STXBP5L: variants seen among roughly 807,000 people sequenced by gnomAD.
STXBP5L encodes the protein syntaxin-binding protein 5-like.
STXBP5L carries 65 observed loss-of-function variants against 144.5 expected under a neutral mutation model. The ratio of observed to expected loss-of-function variants is 0.45; its 90% CI spans 0.37 to 0.55. The LOEUF is 0.55. STXBP5L is among the 20% of genes least tolerant of loss of function. The pLI is 0.00. For missense variants in STXBP5L, 1,298 were observed against 1,405.5 expected (o/e 0.92, Z 1.22); for synonymous variants, 505 against 469.6 (o/e 1.08, Z -0.97).
chr3:120,982,721 A>C (rs1251403155), intron 3 of STXBP5L, among the ~76,000 whole-genome samples: 1 of 152,178 alleles, frequency 6.6e-6, no homozygotes, highest in Non-Finnish European at 1.5e-5. Flanking sequence ...GGCATGTGCA[A>C]GTGCATGCCA....
chr3:121,110,903 G>A (rs935906139), intron 5 of STXBP5L, among the ~76,000 whole-genome samples: 1 of 152,004 alleles, frequency 6.6e-6, no homozygotes, highest in African/African-American at 2.4e-5. Flanking sequence ...TAACCCCATA[G>A]GTCCTGGAGG....
At position 120,984,023 on chromosome 3, in the gene STXBP5L, G is replaced by A. The variant is rs937892552; in HGVS notation, c.287+28986G>A. Among the ~76,000 whole-genome samples, 6 of 152,292 alleles carry A rather than the reference G, an allele frequency of 3.9e-5. No homozygotes were observed. In the South Asian group the frequency reaches 1.2e-3, roughly 32 times the overall value. On this transcript the variant is annotated intron_variant, in intron 3 of 26. Transcript: ENST00000471454. ...TGCTGAGTTTCACACGTCAGTTGCT[G>A]TGATCAGCATCCTGCTCTTTGTTCC... is the stretch of plus-strand genomic sequence containing the variant.
At chr3:121,054,789 A>C (rs747480637) in intron 5 of STXBP5L, among the ~76,000 whole-genome samples, 3 of 109,090 alleles carry the variant, frequency 2.8e-5, no homozygotes, top group Non-Finnish European at 5.7e-5. Flanking sequence ...TTTCTTTACC[A>C]GTAAAATATT....
intron 2 of STXBP5L, among the ~76,000 whole-genome samples, chr3:120,920,439 A>G (rs572823826): frequency 6.6e-6 from 1 of 151,948 alleles, no homozygotes; most frequent in South Asian, 2.1e-4. Context: ...GTTTGTAAAT[A>G]TCAAATCAGT....
At chr3:120,917,988 G>A (rs910852553) in intron 2 of STXBP5L, among the ~76,000 whole-genome samples, 1 of 152,162 alleles carries the variant, frequency 6.6e-6, no homozygotes, top group Non-Finnish European at 1.5e-5. Flanking sequence ...AAATTAATGT[G>A]TTCACAGAAC....
chr3:121,146,531 A>T (rs2045716501), intron 7 of STXBP5L, among the ~76,000 whole-genome samples: 1 of 152,078 alleles, frequency 6.6e-6, no homozygotes, highest in Non-Finnish European at 1.5e-5. Flanking sequence ...ATGTAAACTG[A>T]CTAAATAGGC....
Position 121,048,838 on chromosome 3 carries a change from G to A in STXBP5L, c.470+3303G>A, listed in dbSNP as rs553276909. On this transcript the variant is annotated intron_variant, in intron 5 of 26. Transcript: ENST00000471454. ...GTAGCTGGGACTACAGGTGCTGGGA[G>A]CCCAGGTCAAGAGGCACTGCCCAGT... Among the ~76,000 whole-genome samples, 13 of 152,138 alleles carry A rather than the reference G, an allele frequency of 8.5e-5. No individual in the cohort carries two copies. In the South Asian group the frequency reaches 2.1e-3, roughly 24 times the overall value.
intron 5 of STXBP5L, among the ~76,000 whole-genome samples, chr3:121,059,534 G>A (rs1487213875): frequency 6.6e-6 from 1 of 152,038 alleles, no homozygotes; most frequent in African/African-American, 2.4e-5. Context: ...AGCTTGATGG[G>A]GATAGCATTG....
At chr3:121,418,589 A>G in intron 26 of STXBP5L, 32 bp downstream of exon 26, 1 of 1,600,182 alleles carries the variant, frequency 6.2e-7, no homozygotes, top group Non-Finnish European at 8.5e-7. Flanking sequence ...AGACATCTTC[A>G]TACAGGAGTA....
intron 5 of STXBP5L, among the ~76,000 whole-genome samples, chr3:121,066,885 C>T (rs1013788585): frequency 7.2e-5 from 11 of 151,916 alleles, no homozygotes; most frequent in African/African-American, 2.4e-4. Context: ...ATTATATTTC[C>T]TTAATAGGTG....
Position 121,171,203 on chromosome 3 carries a change from C to T in STXBP5L, c.877+13576C>T, listed in dbSNP as rs532419993. ...CTCAATAAACTAGGAATTGATGGAA[C>T]GTAACTTACAATAATAAGAGCTATT... On this transcript the variant is annotated intron_variant, in intron 9 of 26. Transcript: ENST00000471454. Among the ~76,000 whole-genome samples, 51 of 152,220 alleles carry T rather than the reference C, an allele frequency of 3.4e-4. No individual in the cohort carries two copies. The South Asian group carries it at 5.4e-3, about 16-fold the overall frequency.
chr3:121,087,179 T>C (rs2042540438), intron 5 of STXBP5L, among the ~76,000 whole-genome samples: 1 of 152,120 alleles, frequency 6.6e-6, no homozygotes, highest in South Asian at 2.1e-4. Context: ...CAGATTATTC[T>C]GTAAAAGTTG....
At chr3:121,070,250 TACG>T (rs1201350128) in intron 5 of STXBP5L, among the ~76,000 whole-genome samples, 3 of 152,204 alleles carry the variant, frequency 2.0e-5, no homozygotes, top group South Asian at 2.1e-4. Context: ...AAGGCAGCAT[TACG>T]ACATTTCTTA....
chr3:121,239,721 G>T (rs1215183437), intron 13 of STXBP5L, among the ~76,000 whole-genome samples: 4 of 110,836 alleles, frequency 3.6e-5, no homozygotes, highest in Admixed American at 2.1e-4. Context: ...GGTGGGGGGA[G>T]GGGGGAGGGA....
intron 3 of STXBP5L, among the ~76,000 whole-genome samples, chr3:121,022,285 A>T (rs1945612687): frequency 6.6e-6 from 1 of 152,152 alleles, no homozygotes; most frequent in South Asian, 2.1e-4. Flanking sequence ...GTAATTAAAA[A>T]GTTACCAACA....
At chr3:121,174,508 C>G (rs2046855594) in intron 9 of STXBP5L, among the ~76,000 whole-genome samples, 1 of 152,052 alleles carries the variant, frequency 6.6e-6, no homozygotes, top group Admixed American at 6.6e-5. Flanking sequence ...GAAAGGTCAA[C>G]TGTAATTTGA....
At chr3:121,049,365 G>A (rs1323229939) in intron 5 of STXBP5L, among the ~76,000 whole-genome samples, 2 of 152,136 alleles carry the variant, frequency 1.3e-5, no homozygotes, top group Non-Finnish European at 2.9e-5. Context: ...GGGTGGTTGA[G>A]GTTCTAGGTC....
chr3:121,337,107 T>G lies in STXBP5L; in HGVS notation c.2176+18567T>G, dbSNP rs532872839. On this transcript the variant is annotated intron_variant, in intron 20 of 26. Transcript: ENST00000471454. ...CTGGGGTCTACTTGAGGGTGGTGGG[T>G]GGGAGGAGGGAGAGGATCAGAAGAA... is the stretch of plus-strand genomic sequence containing the variant. Among the ~76,000 whole-genome samples, 5 of 151,822 alleles carry G rather than the reference T, an allele frequency of 3.3e-5. No individual in the cohort carries two copies. In the South Asian group the frequency reaches 1.0e-3, roughly 32 times the overall value.
intron 3 of STXBP5L, 46 bp from the exon 4 acceptor site, chr3:121,041,654 T>G: frequency 7.3e-7 from 1 of 1,362,002 alleles, no homozygotes; most frequent in Non-Finnish European, 1.1e-6. Context: ...CTCATTAATA[T>G]TGGTGCTAAT....
Sources: gnomAD v4.1 joint callset for allele counts (sites outside exome capture counted in the v4.1 genomes callset) on GRCh38, gnomAD v4.1.1 for gene constraint, MANE v1.5 for transcripts, NCBI Gene and HGNC (gene_info 2026-07-23, HGNC 2026-07-21) for gene names.